The following C4orf51 variants were observed in gnomAD, a reference collection of about 807,000 sequenced individuals.
C4orf51 encodes chromosome 4 open reading frame 51.
Under a neutral mutation model 25.2 loss-of-function variants are expected in C4orf51, and 25 were observed. The observed-to-expected ratio is 0.99, with a 90% CI of 0.72 to 1.39. The LOEUF is 1.39. Among genes scored for constraint, C4orf51 ranks in the 40% most tolerant of loss-of-function variants. The pLI, the probability that C4orf51 is intolerant of heterozygous loss-of-function variation, is 0.00. For synonymous variants in C4orf51, 100 were observed against 84.5 expected (o/e 1.18, Z -1.01); for missense variants, 252 against 239.6 (o/e 1.05, Z -0.34).
intron 1 of C4orf51, among the ~76,000 whole-genome samples, chr4:145,769,712 G>A (rs1735950408): frequency 6.6e-6 from 1 of 152,080 alleles, no homozygotes; most frequent in Admixed American, 6.5e-5. Flanking sequence ...TGACCCAAGT[G>A]GTCATTTACC....
chr4:145,780,074 C>T, the C4orf51 span, among the ~76,000 whole-genome samples: 4,449 of 152,196 alleles, frequency 0.029, 208 homozygotes, highest in African/African-American at 0.1. Context: ...GCCTGTAATC[C>T]CAGCTACTTC....
chr4:145,720,092 A>C (rs1049366818), intron 2 of C4orf51, among the ~76,000 whole-genome samples: 3 of 152,118 alleles, frequency 2.0e-5, no homozygotes, highest in Non-Finnish European at 2.9e-5. Context: ...GTGGCCCCAG[A>C]ATGAAGGTGG....
intron 1 of C4orf51, chr4:145,759,539 G>A (rs1734233325): frequency 6.6e-6 from 1 of 152,146 alleles, no homozygotes; most frequent in Non-Finnish European, 1.5e-5. Flanking sequence ...AAAACACAAT[G>A]GAAACTTGTC....
intron 2 of C4orf51, among the ~76,000 whole-genome samples, chr4:145,712,506 C>A (rs751309199): frequency 6.6e-6 from 1 of 152,210 alleles, no homozygotes; most frequent in African/African-American, 2.4e-5. Flanking sequence ...TTTTCTTAAG[C>A]CAAAGCCTAA....
intron 2 of C4orf51, among the ~76,000 whole-genome samples, chr4:145,720,811 G>A (rs1731695574): frequency 6.6e-6 from 1 of 152,102 alleles, no homozygotes; most frequent in Admixed American, 6.5e-5. Flanking sequence ...GGTCAGACAG[G>A]CAGGCTGCTC....
chr4:145,722,283 T>C (rs893508183), intron 2 of C4orf51, among the ~76,000 whole-genome samples: 3 of 152,224 alleles, frequency 2.0e-5, no homozygotes, highest in South Asian at 2.1e-4. Context: ...CTCTCTATAC[T>C]GATGCCTATA....
At position 145,729,117 on chromosome 4, in the gene C4orf51, T is replaced by C. The variant is rs1732274172; in HGVS notation, c.367-52T>C. The stretch of plus-strand genomic sequence containing the variant: ...GTTGGGAAAATGAATTTTATTAGAT[T>C]TCTATTATTATGAAAGTGGTTGGTA... On this transcript the variant is annotated intron_variant, in intron 3 of 5. Transcript: ENST00000438731. 2.5e-6 allele frequency: 3 copies of C among 1,203,366 alleles called. No homozygotes were observed. The Admixed American group carries it at 5.6e-5, about 22-fold the overall frequency. The allele number at this position is 1,203,366 out of a possible 1,614,324, so 74.5% of individuals were successfully genotyped here.
chr4:145,696,279 C>G (rs58919602), intron 1 of C4orf51, among the ~76,000 whole-genome samples: 1 of 152,000 alleles, frequency 6.6e-6, no homozygotes, highest in East Asian at 1.9e-4. Flanking sequence ...AATGGAACAA[C>G]AGACACTGGG....
rs192665580 is a variant in C4orf51, at chr4:145,688,158, A to G, written c.233+7722A>G. The stretch of plus-strand genomic sequence containing the variant: ...GGAGGCTGAGGTGAGCCATGATTGT[A>G]CCACTGCACTCCAGCCTGGGTGACA... On this transcript the variant is annotated intron_variant, in intron 1 of 5. Transcript: ENST00000438731. 3.4e-5 allele frequency among the ~76,000 whole-genome samples: 5 copies of G among 149,090 alleles called. No individual in the cohort carries two copies. The Admixed American group carries it at 3.4e-4, about 10-fold the overall frequency.
downstream of C4orf51, among the ~76,000 whole-genome samples, chr4:145,754,772 T>TA (rs562671970): frequency 5.9e-5 from 9 of 152,056 alleles, no homozygotes; most frequent in Admixed American, 1.3e-4. Flanking sequence ...GCGTCTCTAC[T>TA]AAAAAATATA....
rs192749876 is a variant in C4orf51 at position 145,729,536 on chromosome 4, T to C, written c.427+307T>C. 1.5e-3 allele frequency among the ~76,000 whole-genome samples: 224 copies of C among 152,158 alleles called. 1 individual carries two copies. The highest frequency in any genetic ancestry group is 3.6e-3 in the African/African-American group (150 of 41,526). On this transcript the variant is annotated intron_variant, in intron 4 of 5. Transcript: ENST00000438731. ...CAGGATGGTCTCGATCTTCCGACCT[T>C]GTGATCCTCCCTCCTTGGCCTCCCA...
At chr4:145,724,747 G>T (rs1040271835) in intron 2 of C4orf51, among the ~76,000 whole-genome samples, 2 of 151,728 alleles carry the variant, frequency 1.3e-5, no homozygotes, top group Non-Finnish European at 2.9e-5. Context: ...AACTGAGTGT[G>T]GTGGCACATG....
rs1730107246 is a variant in C4orf51, at chr4:145,697,027, C to T, written c.307+395C>T. 5.5e-5 allele frequency among the ~76,000 whole-genome samples: 6 copies of T among 108,492 alleles called. No homozygotes were observed. In the South Asian group the frequency reaches 1.4e-3, roughly 25 times the overall value. 71.2% of individuals were successfully genotyped at this position (108,492 alleles called of 152,430 possible). On this transcript the variant is annotated intron_variant, in intron 2 of 5. Transcript: ENST00000438731. ...ACTACAGCCTGGGTGACAGAGGACT[C>T]GGTCTGAAAAAACAAAACAAAACCA...
chr4:145,718,501 T>C (rs572865921), intron 2 of C4orf51, among the ~76,000 whole-genome samples: 1 of 152,360 alleles, frequency 6.6e-6, no homozygotes, highest in East Asian at 1.9e-4. Context: ...CCACTTTTAT[T>C]CTTCTGTAAA....
intron 1 of C4orf51, 77 bp from the exon 2 acceptor site, chr4:145,696,482 C>T (rs892374586): frequency 2.5e-5 from 29 of 1,154,898 alleles, no homozygotes; most frequent in African/African-American, 2.2e-4. Flanking sequence ...GAATGGAAAT[C>T]CCTGTAAGTC....
At chr4:145,720,228 C>G (rs188811588) in intron 2 of C4orf51, among the ~76,000 whole-genome samples, 113 of 152,234 alleles carry the variant, frequency 7.4e-4, no homozygotes, top group African/African-American at 2.5e-3. Context: ...GGCACCTCCC[C>G]CAGCTTTCCT....
At chr4:145,729,564 G>A (rs1192043295) in intron 4 of C4orf51, among the ~76,000 whole-genome samples, 1 of 152,140 alleles carries the variant, frequency 6.6e-6, no homozygotes, top group African/African-American at 2.4e-5. Context: ...GCCTCCCAAA[G>A]TGCTGGGATT....
Position 145,765,395 on chromosome 4 carries a change from CA to C in C4orf51, n.167-5589del. On this transcript the variant is annotated intron_variant and non_coding_transcript_variant, in intron 1 of 1. Transcript: ENST00000510096. This position sits in a 1 kb window ranked among gnomAD's most constrained non-coding sequence, Gnocchi z 4.7. Reference sequence around the variant, plus strand: ...CCCCATACTCGGATTCAAATTAAGCCAAAAGAAATACAACCTTTAGGTGAGG... The same window carrying C: ...CCCCATACTCGGATTCAAATTAAGCCAAAGAAATACAACCTTTAGGTGAGG... 1 of 1,092,302 alleles carries C rather than the reference CA, an allele frequency of 9.2e-7. No individual in the cohort carries two copies. Among genetic ancestry groups the C allele is most frequent in the South Asian group, 1.7e-5 (1 of 58,290 alleles). 67.7% of individuals were successfully genotyped at this position (1,092,302 alleles called of 1,614,324 possible). A position where few individuals can be genotyped will look rare whatever the true frequency, so the allele number is the denominator to read the frequency against.
chr4:145,727,546 C>T (rs542700792), intron 3 of C4orf51, among the ~76,000 whole-genome samples: 7 of 151,960 alleles, frequency 4.6e-5, no homozygotes, highest in South Asian at 4.2e-4. Context: ...TTAATGGATA[C>T]GTAATATTTT....
Sources: allele counts gnomAD v4.1 joint callset (sites outside exome capture counted in the v4.1 genomes callset), GRCh38; gene constraint gnomAD v4.1.1; non-coding constraint Gnocchi (gnomAD v3.1); transcripts MANE v1.5; gene names NCBI Gene and HGNC (gene_info 2026-07-23, HGNC 2026-07-21).